FOXN3: variants seen among roughly 807,000 people sequenced by gnomAD.
FOXN3 encodes forkhead box protein N3.
Under a neutral mutation model 38.4 loss-of-function variants are expected in FOXN3, and 7 were observed. The ratio of observed to expected loss-of-function variants is 0.18; its 90% confidence interval spans 0.10 to 0.34. The LOEUF (loss-of-function observed/expected upper bound fraction) is 0.34, where lower values mean the gene tolerates loss of function less well. FOXN3 is among the 10% of genes least tolerant of loss of function. FOXN3 has a pLI of 1.00. For missense variants in FOXN3, 456 were observed against 613.4 expected, an observed-to-expected ratio of 0.74 and a Z score of 2.71; for synonymous variants, 230 against 242.2, an observed-to-expected ratio of 0.95 and a Z score of 0.47.
In FOXN3 at chr14:89,162,648, C is replaced by A. The variant is rs150209397; in HGVS notation, c.1173G>T (p.Gly391=). The A allele has an allele frequency of 4.3e-6, 7 of 1,613,764 alleles. No homozygotes were observed. Among genetic ancestry groups the A allele is most frequent in the Non-Finnish European group, 5.9e-6 (7 of 1,179,938 alleles). Residue 391 remains glycine (G), a synonymous_variant, in exon 6 of 6, where the codon GGG becomes GGT. Transcript: ENST00000557258. The surrounding 1 kb of genome is among the most constrained non-coding windows in gnomAD (Gnocchi z 7.2). ...KEPKDSLGDS[G]YASQHKKRQH... ...GGCGCTTCTTGTGCTGGGATGCGTA[C>A]CCGCTGTCCCCCAGAGAATCCTTGG...
chr14:89,190,006 G>C (rs1228682892), intron 4 of FOXN3, among the ~76,000 whole-genome samples: 1 of 152,210 alleles, frequency 6.6e-6, no homozygotes, highest in Non-Finnish European at 1.5e-5. Flanking sequence ...GTACTGCTCA[G>C]GTCCATTAGG....
At chr14:89,511,185 CTTTCT>C (rs879915225) in intron 1 of FOXN3, among the ~76,000 whole-genome samples, 14,086 of 34,780 alleles carry the variant, frequency 0.41, 5,773 homozygotes, top group Non-Finnish European at 0.69. Context: ...TTCTTTCTTT[CTTTCT>C]TTTCTTTCTT....
At chr14:89,336,573 C>T (rs1391737861) in intron 3 of FOXN3, among the ~76,000 whole-genome samples, 1 of 152,172 alleles carries the variant, frequency 6.6e-6, no homozygotes, top group Non-Finnish European at 1.5e-5. Context: ...CCAGCTCAGC[C>T]ATCTGCAAGC....
chr14:89,249,306 G>GCCCTTTC (rs1555412849), intron 4 of FOXN3, among the ~76,000 whole-genome samples: 1 of 152,110 alleles, frequency 6.6e-6, no homozygotes, highest in Non-Finnish European at 1.5e-5. Flanking sequence ...CCTTTCCAAA[G>GCCCTTTC]CCCTTTCCCC....
intron 4 of FOXN3, chr14:89,185,597 A>C (rs1887784282): frequency 6.6e-6 from 1 of 152,296 alleles, no homozygotes; most frequent in African/African-American, 2.4e-5. Flanking sequence ...CTGGACGTTG[A>C]AAGTCAACTT....
At chr14:89,182,379 C>T (rs556756965) in intron 4 of FOXN3, among the ~76,000 whole-genome samples, 1 of 152,242 alleles carries the variant, frequency 6.6e-6, no homozygotes, top group South Asian at 2.1e-4. Flanking sequence ...GCCTTTGTTA[C>T]TAGGTCTTAC....
Position 89,284,533 on chromosome 14 carries a change from A to C in FOXN3, c.681-3519T>G, listed in dbSNP as rs1325824039. 1.3e-5 allele frequency: 6 copies of C among 456,062 alleles called. No individual in the cohort carries two copies. In the Admixed American group the frequency reaches 1.4e-4, roughly 11 times the overall value. 28.3% of individuals were successfully genotyped at this position (456,062 alleles called of 1,614,324 possible). ...CTTAGTCATCCTTCCCTGTGGAAGA[A>C]GGCTGTGAATGGTATTTTGCTAGGA... On this transcript the variant is annotated intron_variant, in intron 3 of 5. Coordinates refer to ENST00000557258, the MANE Select transcript of FOXN3 (RefSeq NM_005197.4).
intron 3 of FOXN3, among the ~76,000 whole-genome samples, chr14:89,344,048 C>T (rs868559332): frequency 2.6e-5 from 4 of 152,266 alleles, no homozygotes; most frequent in African/African-American, 9.6e-5. Flanking sequence ...AGGCGTGAGC[C>T]ACCGCATCGA....
At chr14:89,582,806 T>C (rs1895771278) in intron 1 of FOXN3, among the ~76,000 whole-genome samples, 1 of 152,224 alleles carries the variant, frequency 6.6e-6, no homozygotes, top group Admixed American at 6.5e-5. Flanking sequence ...AAATCACTTA[T>C]ATGCTTTCTG....
intron 1 of FOXN3, among the ~76,000 whole-genome samples, chr14:89,452,418 G>A (rs1039348241): frequency 2.0e-5 from 3 of 152,186 alleles, no homozygotes; most frequent in African/African-American, 7.2e-5. Context: ...AATGAGCACA[G>A]CTGAGACCGT....
intron 1 of FOXN3, among the ~76,000 whole-genome samples, chr14:89,488,588 G>A (rs1488058040): frequency 6.7e-6 from 1 of 149,978 alleles, no homozygotes; most frequent in Admixed American, 6.7e-5. Context: ...AGAGGTCAAG[G>A]CCACAGTGAG....
intron 1 of FOXN3, among the ~76,000 whole-genome samples, chr14:89,441,179 G>C (rs919007183): frequency 6.6e-6 from 1 of 152,008 alleles, no homozygotes; most frequent in African/African-American, 2.4e-5. Flanking sequence ...GTCCCAACCT[G>C]CTGGGCCCTT....
chr14:89,270,742 A>C (rs1195260722), intron 4 of FOXN3, among the ~76,000 whole-genome samples: 1 of 152,178 alleles, frequency 6.6e-6, no homozygotes, highest in African/African-American at 2.4e-5. Context: ...ATCAATCCTC[A>C]TAGTAATCTT....
chr14:89,596,006 T>C (rs778999111), intron 1 of FOXN3, among the ~76,000 whole-genome samples: 3 of 152,222 alleles, frequency 2.0e-5, no homozygotes, highest in Non-Finnish European at 4.4e-5. Flanking sequence ...TAACACTTAC[T>C]GATTTCAAAT....
At chr14:89,418,198 C>T (rs1891805633), upstream of FOXN3, among the ~76,000 whole-genome samples, 1 of 152,122 alleles carries the variant, frequency 6.6e-6, no homozygotes, top group Non-Finnish European at 1.5e-5. Flanking sequence ...TTGGTTGGTT[C>T]CTCTACAGAG....
chr14:89,290,123 T>C (rs1233389750), intron 3 of FOXN3: 2 of 178,128 alleles, frequency 1.1e-5, no homozygotes, highest in Admixed American at 1.3e-4. Flanking sequence ...AAAACTAAAG[T>C]GGAAGGTGCT....
At chr14:89,437,603 G>T (rs550045645) in intron 1 of FOXN3, among the ~76,000 whole-genome samples, 15 of 152,264 alleles carry the variant, frequency 9.9e-5, no homozygotes, top group African/African-American at 3.4e-4. Flanking sequence ...TGCCATGAGA[G>T]TTTACAAATG....
intron 5 of FOXN3, among the ~76,000 whole-genome samples, chr14:89,169,547 CACA>C (rs1159740636): frequency 6.6e-6 from 1 of 151,896 alleles, no homozygotes; most frequent in Non-Finnish European, 1.5e-5. Flanking sequence ...CACACACACA[CACA>C]AAACACACAC....
chr14:89,227,824 G>A (rs1884688421), intron 4 of FOXN3, among the ~76,000 whole-genome samples: 3 of 152,156 alleles, frequency 2.0e-5, no homozygotes. Context: ...GCTAAGAACG[G>A]CCCCCAGCTG....
Sources: gnomAD v4.1 joint callset for allele counts (sites outside exome capture counted in the v4.1 genomes callset) on GRCh38, gnomAD v4.1.1 for gene constraint, Gnocchi (gnomAD v3.1) non-coding constraint, MANE v1.5 for transcripts, NCBI Gene and HGNC (gene_info 2026-07-23, HGNC 2026-07-21) for gene names.